The following NXN variants were observed in gnomAD, a reference collection of about 807,000 sequenced individuals.
The protein encoded by NXN is nucleoredoxin 1.
A neutral mutation model predicts 48.6 loss-of-function variants in NXN; 16 were observed. The observed-to-expected ratio is 0.33, with a 90% confidence interval of 0.22 to 0.50. NXN has a LOEUF of 0.50. Among genes scored for constraint, NXN ranks in the 20% least tolerant of loss-of-function variants. The probability of loss-of-function intolerance (pLI) is 0.98; values close to 1 mark genes in which losing one functional copy is unlikely to be tolerated. For synonymous variants in NXN, 281 were observed against 269.6 expected (o/e 1.04, Z -0.41); for missense variants, 492 against 605.5 (o/e 0.81, Z 1.97).
rs73975601 is a variant in NXN, at chr17:953,637, C to A, written c.360+25682G>T. ...CTCTCAACAGTTGTACTTATCACTC[C>A]ACAGAGAATTCACACTCCCTTCTCT... is the stretch of plus-strand genomic sequence containing the variant. On this transcript the variant is annotated intron_variant, in intron 1 of 7. Transcript: ENST00000336868. 5.8e-3 allele frequency among the ~76,000 whole-genome samples: 883 copies of A among 152,304 alleles called. 9 individuals are homozygous for A. The highest frequency in any genetic ancestry group is 0.02 in the African/African-American group (828 of 41,562).
rs367888124 is a variant in NXN, at chr17:830,728, C to T, written c.361-4650G>A. 4.6e-5 allele frequency among the ~76,000 whole-genome samples: 7 copies of T among 152,296 alleles called. No individual in the cohort carries two copies. In the East Asian group the frequency reaches 5.8e-4, roughly 13 times the overall value. On this transcript the variant is annotated intron_variant, in intron 1 of 7. Transcript: ENST00000336868. This position sits in a 1 kb window ranked among gnomAD's most constrained non-coding sequence, Gnocchi z 4.2. ...TTAAAAGGCCATTTGGGGCCGGGCA[C>T]GATGGCTCACGCCTGTAATCCCAGC...
At position 964,440 on chromosome 17, in the gene NXN, C is replaced by A. The variant is rs182036154; in HGVS notation, c.360+14879G>T. Among the ~76,000 whole-genome samples, 424 of 152,286 alleles carry A rather than the reference C, an allele frequency of 2.8e-3. 2 individuals carry two copies. The highest frequency in any genetic ancestry group is 9.8e-3 in the African/African-American group (409 of 41,558). ...AGTCTCTGCAAATTAATACTTTCCG[C>A]AAATCCAAATGAAAGAGAATATGTT... On this transcript the variant is annotated intron_variant, in intron 1 of 7. Coordinates refer to ENST00000336868, the MANE Select transcript of NXN (RefSeq NM_022463.5).
chr17:919,371 C>CA lies in NXN; in HGVS notation c.360+59947dup, dbSNP rs11300433. 4.0e-5 allele frequency among the ~76,000 whole-genome samples: 6 copies of CA among 151,222 alleles called. No homozygotes were observed. Among genetic ancestry groups the CA allele is most frequent in the South Asian group, 4.2e-4 (2 of 4,814 alleles). ...AGTGAGACTCTGTCTCAAAACAAAACAAAAAAAAGGTTCTGGAATGATTAT... is the reference window on the plus strand; with the variant it reads ...AGTGAGACTCTGTCTCAAAACAAAACAAAAAAAAAGGTTCTGGAATGATTAT... On this transcript the variant is annotated intron_variant, in intron 1 of 7. Coordinates refer to ENST00000336868, the MANE Select transcript of NXN (RefSeq NM_022463.5). The surrounding 1 kb of genome is among the most constrained non-coding windows in gnomAD (Gnocchi z 5.1).
chr17:926,591 G>A (rs2068802512), intron 1 of NXN, among the ~76,000 whole-genome samples: 1 of 151,134 alleles, frequency 6.6e-6, no homozygotes, highest in South Asian at 2.1e-4. Flanking sequence ...TATCGCCCAG[G>A]CTGGAGTGCA....
chr17:852,837 G>A (rs1266851031), intron 1 of NXN, among the ~76,000 whole-genome samples: 2 of 146,978 alleles, frequency 1.4e-5, no homozygotes, highest in African/African-American at 5.5e-5. Flanking sequence ...AGTGTTTAAT[G>A]CAGCATTTCC....
chr17:955,752 A>G (rs2069160796), intron 1 of NXN, among the ~76,000 whole-genome samples: 2 of 151,796 alleles, frequency 1.3e-5, no homozygotes, highest in African/African-American at 4.8e-5. Context: ...TACAAAAAAA[A>G]TTAGCCGGGC....
Position 920,047 on chromosome 17 carries a change from G to A in NXN, c.360+59272C>T, listed in dbSNP as rs754340920. On this transcript the variant is annotated intron_variant, in intron 1 of 7. Coordinates refer to ENST00000336868, the MANE Select transcript of NXN (RefSeq NM_022463.5). The surrounding 1 kb of genome is among the most constrained non-coding windows in gnomAD (Gnocchi z 4.6). ...AGGACCTCCGCCTCCAACTCTCTTC[G>A]AGCCACCACGCGGTGCAAATGTTTG... Among the ~76,000 whole-genome samples the A allele has an allele frequency of 1.1e-4, 16 of 151,970 alleles. No individual in the cohort carries two copies. Among genetic ancestry groups the A allele is most frequent in the African/African-American group, 3.4e-4 (14 of 41,370 alleles).
intron 1 of NXN, among the ~76,000 whole-genome samples, chr17:977,123 TAAG>T (rs776724353): frequency 4.6e-5 from 7 of 152,162 alleles, no homozygotes; most frequent in African/African-American, 1.7e-4. Context: ...ATGTGTTCCA[TAAG>T]AAGGACAGCT....
intron 1 of NXN, among the ~76,000 whole-genome samples, chr17:963,312 C>T (rs1363533188): frequency 6.6e-6 from 1 of 151,368 alleles, no homozygotes. Flanking sequence ...ATTTAAAATG[C>T]TATATCCGGG....
At chr17:872,404 C>T (rs530820608) in intron 1 of NXN, among the ~76,000 whole-genome samples, 12 of 148,570 alleles carry the variant, frequency 8.1e-5, no homozygotes, top group Non-Finnish European at 1.0e-4. Context: ...AACACATCAA[C>T]GACAAGGAGA....
Position 956,688 on chromosome 17 carries a change from T to C in NXN, c.360+22631A>G, listed in dbSNP as rs747196761. On this transcript the variant is annotated intron_variant, in intron 1 of 7. Transcript: ENST00000336868. This position sits in a 1 kb window ranked among gnomAD's most constrained non-coding sequence, Gnocchi z 4.1. ...CCTCAGCCTCCCAAAGTGCTGGGAT[T>C]ACAGGCGTGAGCCACCGCGCCTGGC... 1.3e-5 allele frequency among the ~76,000 whole-genome samples: 2 copies of C among 152,196 alleles called. No individual in the cohort carries two copies. Among genetic ancestry groups the C allele is most frequent in the Non-Finnish European group, 2.9e-5 (2 of 68,028 alleles).
intron 1 of NXN, among the ~76,000 whole-genome samples, chr17:868,585 G>A (rs185460576): frequency 9.5e-4 from 145 of 152,040 alleles, no homozygotes; most frequent in Non-Finnish European, 1.9e-3. Flanking sequence ...TCCGCCTCCC[G>A]GGTTCACGCC....
chr17:931,265 C>G (rs1199291802), intron 1 of NXN, among the ~76,000 whole-genome samples: 1 of 138,496 alleles, frequency 7.2e-6, no homozygotes, highest in Non-Finnish European at 1.5e-5. Context: ...CCAGCCTGGG[C>G]GACAGAGCGA....
At chr17:890,463 T>A (rs2068403833) in intron 1 of NXN, among the ~76,000 whole-genome samples, 2 of 151,996 alleles carry the variant, frequency 1.3e-5, no homozygotes, top group African/African-American at 2.4e-5. Context: ...AAGCTCCACC[T>A]CCCGGGTTCA....
intron 1 of NXN, among the ~76,000 whole-genome samples, chr17:938,750 A>G (rs971064032): frequency 6.6e-6 from 1 of 151,772 alleles, no homozygotes; most frequent in African/African-American, 2.4e-5. Flanking sequence ...AAAATGATGA[A>G]AAAGAAGATA....
chr17:955,901 CA>C (rs576853177), intron 1 of NXN, among the ~76,000 whole-genome samples: 278 of 130,680 alleles, frequency 2.1e-3, no homozygotes, highest in Middle Eastern at 0.014. Context: ...GACTCCATCT[CA>C]AAAAAAAAAA....
intron 1 of NXN, among the ~76,000 whole-genome samples, chr17:866,610 A>G (rs1266099142): frequency 6.6e-6 from 1 of 152,138 alleles, no homozygotes; most frequent in Non-Finnish European, 1.5e-5. Flanking sequence ...ATAGGTGAGG[A>G]GTTGTACCTC....
chr17:877,010 G>A (rs2068223876), intron 1 of NXN, among the ~76,000 whole-genome samples: 1 of 151,714 alleles, frequency 6.6e-6, no homozygotes, highest in South Asian at 2.1e-4. Flanking sequence ...AACCCAGTAG[G>A]CAGAGGTTGC....
At chr17:835,616 A>G (rs1179002195) in intron 1 of NXN, among the ~76,000 whole-genome samples, 1 of 152,176 alleles carries the variant, frequency 6.6e-6, no homozygotes, top group South Asian at 2.1e-4. Context: ...AATGAAACAC[A>G]TATCAAAAGG....
Sources: allele counts gnomAD v4.1 joint callset (sites outside exome capture counted in the v4.1 genomes callset), GRCh38; gene constraint gnomAD v4.1.1; non-coding constraint Gnocchi (gnomAD v3.1); transcripts MANE v1.5; gene names NCBI Gene and HGNC (gene_info 2026-07-23, HGNC 2026-07-21).